FNTA: variants seen among roughly 807,000 people sequenced by gnomAD.
FNTA encodes farnesyltransferase, CAAX box, subunit alpha.
A neutral mutation model predicts 55.2 loss-of-function variants in FNTA; 27 were observed. The ratio of observed to expected loss-of-function variants is 0.49; its 90% CI spans 0.36 to 0.67. FNTA has a LOEUF of 0.67. Ranked by LOEUF, FNTA falls within the 30% of genes least tolerant of loss-of-function variation. FNTA has a pLI of 0.00. For missense variants in FNTA, 422 were observed against 464.7 expected (o/e 0.91, Z 0.85); for synonymous variants, 176 against 170.7 (o/e 1.03, Z -0.24).
chr8:43,059,593 CATTT>C (rs1810486307), intron 2 of FNTA, among the ~76,000 whole-genome samples: 1 of 152,086 alleles, frequency 6.6e-6, no homozygotes, highest in Non-Finnish European at 1.5e-5. Context: ...AGTTGGAATA[CATTT>C]ATTGATATTA....
intron 8 of FNTA, 116 bp downstream of exon 8, chr8:43,084,997 T>C: frequency 8.2e-7 from 1 of 1,217,258 alleles, no homozygotes; most frequent in African/African-American, 1.5e-5. Flanking sequence ...TGCAGGGCTA[T>C]TTCTGGTTAG....
chr8:43,079,408 T>C (rs1389373944), intron 6 of FNTA: 5 of 154,656 alleles, frequency 3.2e-5, no homozygotes, highest in Non-Finnish European at 7.2e-5. Flanking sequence ...TTAAGAATTA[T>C]GCTGAATCTC....
chr8:43,077,011 C>G (rs943876425), intron 5 of FNTA: 1 of 396,948 alleles, frequency 2.5e-6, no homozygotes, highest in African/African-American at 2.1e-5. Flanking sequence ...TTCCTGCTTT[C>G]TGTATGTGTC....
intron 7 of FNTA, 93 bp from the exon 8 acceptor site, chr8:43,084,613 CTTGT>C: frequency 1.1e-6 from 1 of 896,238 alleles, no homozygotes; most frequent in Non-Finnish European, 1.7e-6. Context: ...CTCTCCTTTT[CTTGT>C]TTGTGTTTCA....
intron 8 of FNTA, 108 bp from the exon 9 acceptor site, chr8:43,085,052 T>G (rs940266671): frequency 1.5e-5 from 17 of 1,148,810 alleles, no homozygotes; most frequent in Non-Finnish European, 2.1e-5. Context: ...TGACTCTTAA[T>G]AGTGTGTCTT....
chr8:43,084,644 G>C, intron 7 of FNTA, 66 bp from the exon 8 acceptor site: 1 of 1,273,816 alleles, frequency 7.9e-7, no homozygotes, highest in Non-Finnish European at 1.1e-6. Flanking sequence ...ATTTTCTCTT[G>C]ATCTTTCTAC....
intron 4 of FNTA, 89 bp from the exon 5 acceptor site, chr8:43,072,092 C>T: frequency 9.7e-7 from 1 of 1,032,498 alleles, no homozygotes; most frequent in South Asian, 3.0e-5. Context: ...ATTGTGTGTC[C>T]TTTCATGTCA....
chr8:43,067,703 G>A (rs1446642883), intron 3 of FNTA, among the ~76,000 whole-genome samples: 2 of 150,584 alleles, frequency 1.3e-5, no homozygotes, highest in Non-Finnish European at 2.9e-5. Flanking sequence ...CTCCTATTTA[G>A]CATTTTATTT....
chr8:43,061,944 C>CCCGACCTCAGGTGATCCG (rs1242008904), intron 2 of FNTA, among the ~76,000 whole-genome samples: 1 of 152,100 alleles, frequency 6.6e-6, no homozygotes, highest in African/African-American at 2.4e-5. Flanking sequence ...GTCTCGAACT[C>CCCGACCTCAGGTGATCCG]CCGACCTCAG....
intron 3 of FNTA, among the ~76,000 whole-genome samples, chr8:43,065,228 A>C (rs1315939907): frequency 6.6e-6 from 1 of 150,892 alleles, no homozygotes; most frequent in Non-Finnish European, 1.5e-5. Context: ...ATTTATGTTC[A>C]TGCTGACACA....
At chr8:43,070,607 A>G (rs1394520503) in intron 4 of FNTA, among the ~76,000 whole-genome samples, 2 of 152,230 alleles carry the variant, frequency 1.3e-5, no homozygotes, top group Non-Finnish European at 1.5e-5. Context: ...GCACACTGTC[A>G]TTAGCACTTC....
intron 6 of FNTA, chr8:43,078,197 A>G (rs1810952055): frequency 6.6e-6 from 1 of 152,078 alleles, no homozygotes; most frequent in African/African-American, 2.4e-5. Context: ...TCCATGTCTC[A>G]CCTTAACACT....
chr8:43,081,557 G>T (rs1387150747), intron 6 of FNTA: 1 of 152,160 alleles, frequency 6.6e-6, no homozygotes, highest in East Asian at 1.9e-4. Context: ...AAGTTCATCG[G>T]TCTTTTTGTT....
At chr8:43,056,977 C>G (rs1369459377) in intron 1 of FNTA, 1 of 152,234 alleles carries the variant, frequency 6.6e-6, no homozygotes, top group African/African-American at 2.4e-5. Flanking sequence ...ATTTGCTCAC[C>G]CTAAAAACGA....
At chr8:43,085,016 T>C in intron 8 of FNTA, 135 bp downstream of exon 8, 1 of 1,117,812 alleles carries the variant, frequency 8.9e-7, no homozygotes, top group East Asian at 2.4e-5. Context: ...AGGGGCAGCA[T>C]TGACATCACT....
chr8:43,071,784 GC>G (rs1810798798), intron 4 of FNTA, among the ~76,000 whole-genome samples: 1 of 151,642 alleles, frequency 6.6e-6, no homozygotes, highest in African/African-American at 2.4e-5. Flanking sequence ...ATTCAGTTCT[GC>G]CCACTCATTT....
intron 5 of FNTA, among the ~76,000 whole-genome samples, chr8:43,076,001 A>G (rs1221712701): frequency 6.6e-6 from 1 of 151,316 alleles, no homozygotes; most frequent in African/African-American, 2.4e-5. Flanking sequence ...AGTAGCTGGG[A>G]TTCTAGGCAT....
chr8:43,074,912 C>T (rs1810875397), intron 5 of FNTA, among the ~76,000 whole-genome samples: 1 of 152,174 alleles, frequency 6.6e-6, no homozygotes, highest in Non-Finnish European at 1.5e-5. Context: ...CACATACCCA[C>T]AAGTGAGTAC....
chr8:43,067,232 G>C (rs2130551792), intron 3 of FNTA, among the ~76,000 whole-genome samples: 1 of 152,198 alleles, frequency 6.6e-6, no homozygotes, highest in African/African-American at 2.4e-5. Context: ...TCTTTATATA[G>C]ACTTTCCACT....
Sources: allele counts gnomAD v4.1 joint callset (sites outside exome capture counted in the v4.1 genomes callset), GRCh38; gene constraint gnomAD v4.1.1; transcripts MANE v1.5; gene names NCBI Gene and HGNC (gene_info 2026-07-23, HGNC 2026-07-21).